CAMK1D: variants seen among roughly 807,000 people sequenced by gnomAD.
CAMK1D encodes calcium/calmodulin-dependent protein kinase type 1D.
A neutral mutation model predicts 47.7 loss-of-function variants in CAMK1D; 9 were observed. The observed-to-expected ratio is 0.19, with a 90% CI of 0.11 to 0.33. The LOEUF is 0.33. Ranked by LOEUF, CAMK1D falls within the 10% of genes least tolerant of loss-of-function variation. The pLI is 1.00. For missense variants in CAMK1D, 291 were observed against 488.7 expected (o/e 0.60, Z 3.81); for synonymous variants, 184 against 184.9 (o/e 0.99, Z 0.04).
chr10:12,545,133 G>A (rs1474230754), intron 1 of CAMK1D, among the ~76,000 whole-genome samples: 1 of 151,588 alleles, frequency 6.6e-6, no homozygotes, highest in Non-Finnish European at 1.5e-5. Context: ...ACTGTAATGG[G>A]ATGTGTACAT....
At chr10:12,745,314 G>A (rs1211951918) in intron 3 of CAMK1D, among the ~76,000 whole-genome samples, 1 of 152,224 alleles carries the variant, frequency 6.6e-6, no homozygotes. Flanking sequence ...ACAGGTGTGA[G>A]CCACCGTGCC....
intron 1 of CAMK1D, among the ~76,000 whole-genome samples, chr10:12,432,234 C>T (rs1263217818): frequency 1.3e-5 from 2 of 152,218 alleles, no homozygotes; most frequent in African/African-American, 4.8e-5. Flanking sequence ...GGTGGGGAGA[C>T]AGCCCCAAAG....
At chr10:12,493,849 G>C (rs2132125508) in intron 1 of CAMK1D, among the ~76,000 whole-genome samples, 1 of 152,290 alleles carries the variant, frequency 6.6e-6, no homozygotes, top group South Asian at 2.1e-4. Flanking sequence ...GTGGATTGCA[G>C]CTGAGCAGCC....
At position 12,536,690 on chromosome 10, in the gene CAMK1D, T is replaced by C. The variant is rs146543551; in HGVS notation, c.93-16535T>C. ...GTACTTTCACTACCTATGTATGTATTATATACCCAAACAATGTAGCGGTTA... is the reference window on the plus strand; with the variant it reads ...GTACTTTCACTACCTATGTATGTATCATATACCCAAACAATGTAGCGGTTA... On this transcript the variant is annotated intron_variant, in intron 1 of 10. Coordinates refer to ENST00000619168, the MANE Select transcript of CAMK1D (RefSeq NM_153498.4). Among the ~76,000 whole-genome samples, 71 of 152,330 alleles carry C rather than the reference T, an allele frequency of 4.7e-4. No individual in the cohort carries two copies. The East Asian group carries it at 0.013, about 28-fold the overall frequency.
At chr10:12,616,655 C>A (rs1200994851) in intron 2 of CAMK1D, among the ~76,000 whole-genome samples, 2 of 151,930 alleles carry the variant, frequency 1.3e-5, no homozygotes, top group African/African-American at 4.8e-5. Flanking sequence ...GTAGCTGGGA[C>A]TACAGGCGCC....
At chr10:12,582,399 G>A (rs999106211) in intron 2 of CAMK1D, among the ~76,000 whole-genome samples, 11 of 152,156 alleles carry the variant, frequency 7.2e-5, no homozygotes, top group Admixed American at 5.2e-4. Flanking sequence ...TGAATTTTTA[G>A]GATTGTTTTT....
intron 2 of CAMK1D, among the ~76,000 whole-genome samples, chr10:12,627,942 G>A (rs141296264): frequency 6.6e-5 from 10 of 152,198 alleles, no homozygotes; most frequent in African/African-American, 1.7e-4. Flanking sequence ...TTAGCCAGGC[G>A]TGGTGGCGCA....
At chr10:12,589,352 T>C (rs1359563724) in intron 2 of CAMK1D, among the ~76,000 whole-genome samples, 1 of 152,190 alleles carries the variant, frequency 6.6e-6, no homozygotes, top group Non-Finnish European at 1.5e-5. Flanking sequence ...TGTGCAAACA[T>C]ACAAAATGTG....
intron 2 of CAMK1D, among the ~76,000 whole-genome samples, chr10:12,593,240 TC>T (rs1838048121): frequency 6.6e-6 from 1 of 152,226 alleles, no homozygotes; most frequent in African/African-American, 2.4e-5. Context: ...CTTTACTTTT[TC>T]TGCACAGTAT....
intron 1 of CAMK1D, among the ~76,000 whole-genome samples, chr10:12,546,606 T>C (rs1351854556): frequency 2.0e-5 from 3 of 151,974 alleles, no homozygotes; most frequent in African/African-American, 4.8e-5. Context: ...GTGGCACATA[T>C]ACACCATGGA....
intron 3 of CAMK1D, among the ~76,000 whole-genome samples, chr10:12,710,488 CA>C (rs1357278621): frequency 3.3e-5 from 5 of 152,156 alleles, no homozygotes; most frequent in Admixed American, 6.6e-5. Context: ...AGAGAAGAAA[CA>C]AATGCCTTCG....
chr10:12,819,327 C>T (rs556157115), intron 8 of CAMK1D, among the ~76,000 whole-genome samples: 7 of 152,310 alleles, frequency 4.6e-5, no homozygotes, highest in African/African-American at 1.4e-4. Context: ...ACTGCATGTG[C>T]GTTCCTGGTG....
intron 10 of CAMK1D, 114 bp from the exon 11 acceptor site, chr10:12,828,655 A>AAT: frequency 3.3e-6 from 2 of 613,198 alleles, no homozygotes; most frequent in Non-Finnish European, 5.5e-6. Flanking sequence ...AAAAAAAAAA[A>AAT]TTGGGCCCCC....
intron 3 of CAMK1D, among the ~76,000 whole-genome samples, chr10:12,673,411 A>T (rs10906201): frequency 2.0e-5 from 3 of 151,994 alleles, no homozygotes; most frequent in African/African-American, 7.3e-5. Flanking sequence ...TCTATTTTCA[A>T]TGGATCTTTA....
intron 1 of CAMK1D, among the ~76,000 whole-genome samples, chr10:12,370,425 C>T (rs538310600): frequency 8.3e-4 from 126 of 152,134 alleles, no homozygotes; most frequent in African/African-American, 2.9e-3. Context: ...AAAAAGTCAA[C>T]GGTAGAACAG....
chr10:12,598,137 A>G (rs749724606), intron 2 of CAMK1D, among the ~76,000 whole-genome samples: 1 of 152,212 alleles, frequency 6.6e-6, no homozygotes, highest in Non-Finnish European at 1.5e-5. Context: ...GAAAGAACTC[A>G]TTCATGCCTT....
At position 12,633,323 on chromosome 10, in the gene CAMK1D, C is replaced by T. The variant is rs113163393; in HGVS notation, c.225-33413C>T. ...TCCAGGCATTTGTATTTCTTTTTCCCTGAGAAGAAGCTCTGAGTGGTGAGG... is the reference window on the plus strand; with the variant it reads ...TCCAGGCATTTGTATTTCTTTTTCCTTGAGAAGAAGCTCTGAGTGGTGAGG... On this transcript the variant is annotated intron_variant, in intron 2 of 10. Transcript: ENST00000619168. Among the ~76,000 whole-genome samples the T allele has an allele frequency of 3.2e-3, 485 of 152,242 alleles. 3 individuals carry two copies. The Middle Eastern group carries it at 0.034, about 11-fold the overall frequency.
At chr10:12,494,454 CATAG>C (rs1306069287) in intron 1 of CAMK1D, among the ~76,000 whole-genome samples, 1 of 152,168 alleles carries the variant, frequency 6.6e-6, no homozygotes, top group East Asian at 1.9e-4. Context: ...ATTAGGAAAT[CATAG>C]ATAGGAAGAT....
intron 1 of CAMK1D, among the ~76,000 whole-genome samples, chr10:12,374,756 A>G (rs1396275774): frequency 6.6e-6 from 1 of 152,096 alleles, no homozygotes; most frequent in Non-Finnish European, 1.5e-5. Context: ...AGCCTGGCCA[A>G]CATGGCGAAA....
Sources: gnomAD v4.1 joint callset for allele counts (sites outside exome capture counted in the v4.1 genomes callset) on GRCh38, gnomAD v4.1.1 for gene constraint, MANE v1.5 for transcripts, NCBI Gene and HGNC (gene_info 2026-07-23, HGNC 2026-07-21) for gene names.